Variants in IL23R observed in about 807,000 individuals in gnomAD.
IL23R encodes the protein interleukin-23 receptor.
In IL23R, 34 loss-of-function variants were observed where a neutral mutation model predicts 56.9. The ratio of observed to expected loss-of-function variants is 0.60; its 90% CI spans 0.45 to 0.80. The LOEUF (loss-of-function observed/expected upper bound fraction) is 0.80, where lower values mean the gene tolerates loss of function less well. Among genes scored for constraint, IL23R ranks in the 30% least tolerant of loss-of-function variants. The pLI is 0.00. For missense variants in IL23R, 635 were observed against 730.0 expected, an observed-to-expected ratio of 0.87 and a Z score of 1.50; for synonymous variants, 230 against 249.2, an observed-to-expected ratio of 0.92 and a Z score of 0.73.
chr1:67,232,368 T>A (rs139508843), intron 7 of IL23R, among the ~76,000 whole-genome samples: 431 of 152,086 alleles, frequency 2.8e-3, no homozygotes, highest in Middle Eastern at 6.8e-3. Context: ...CCATGGCGAG[T>A]CCTCAGTGGA....
chr1:67,224,944 T>C (rs1392901226), intron 7 of IL23R, among the ~76,000 whole-genome samples: 1 of 152,212 alleles, frequency 6.6e-6, no homozygotes, highest in Non-Finnish European at 1.5e-5. Context: ...GTGTAATTAT[T>C]ATCCCAGTTG....
At chr1:67,245,750 G>A (rs1453655677) in intron 9 of IL23R, among the ~76,000 whole-genome samples, 1 of 152,158 alleles carries the variant, frequency 6.6e-6, no homozygotes, top group African/African-American at 2.4e-5. Context: ...TGTTTATCAG[G>A]GATATTGGCC....
intron 6 of IL23R, among the ~76,000 whole-genome samples, chr1:67,212,325 G>T (rs1309043353): frequency 2.0e-5 from 3 of 152,208 alleles, no homozygotes; most frequent in Non-Finnish European, 4.4e-5. Flanking sequence ...TGTTGTCTCT[G>T]CATGTCTGTA....
At chr1:67,257,166 G>A (rs1652995894) in intron 10 of IL23R, among the ~76,000 whole-genome samples, 1 of 152,182 alleles carries the variant, frequency 6.6e-6, no homozygotes, top group Non-Finnish European at 1.5e-5. Context: ...TGGAATTAGA[G>A]GCAAACCTTA....
chr1:67,154,543 G>T (rs909062594), intron 1 of IL23R, among the ~76,000 whole-genome samples: 2 of 151,656 alleles, frequency 1.3e-5, no homozygotes, highest in African/African-American at 2.4e-5. Context: ...AATTTTTGTT[G>T]GTTTAAAGTC....
intron 10 of IL23R, among the ~76,000 whole-genome samples, chr1:67,258,232 G>A (rs1216555876): frequency 6.6e-6 from 1 of 152,040 alleles, no homozygotes; most frequent in African/African-American, 2.4e-5. Context: ...CAAGAAATGT[G>A]CTTAAGAAGT....
At chr1:67,235,136 C>T (rs1041351583) in intron 7 of IL23R, among the ~76,000 whole-genome samples, 3 of 152,200 alleles carry the variant, frequency 2.0e-5, no homozygotes, top group African/African-American at 7.2e-5. Flanking sequence ...ACCTTGTTCC[C>T]TCAGAGTTTG....
intron 6 of IL23R, among the ~76,000 whole-genome samples, chr1:67,217,722 T>A (rs990196313): frequency 6.7e-6 from 1 of 148,944 alleles, no homozygotes; most frequent in Admixed American, 6.7e-5. Flanking sequence ...TTGAAAAATA[T>A]CATTCAGAGT....
intron 1 of IL23R, among the ~76,000 whole-genome samples, chr1:67,160,138 C>T (rs1422208289): frequency 6.6e-6 from 1 of 152,134 alleles, no homozygotes; most frequent in African/African-American, 2.4e-5. Flanking sequence ...CAGGCATGAG[C>T]CACCGCGCCC....
chr1:67,219,553 A>G, intron 6 of IL23R, 21 bp from the exon 7 acceptor site: 6 of 1,609,506 alleles, frequency 3.7e-6, no homozygotes, highest in Non-Finnish European at 4.2e-6. Context: ...ACATTTTATT[A>G]TTGTTACCCA....
At position 67,240,267 on chromosome 1, in the gene IL23R, A is replaced by G. The variant is rs1194132729; in HGVS notation, c.1134A>G (p.Arg378=). The change falls in exon 9 of 11, where the codon AGA becomes AGG. Residue 378 remains arginine (R), a synonymous_variant. Coordinates refer to ENST00000347310, the MANE Select transcript of IL23R (RefSeq NM_144701.3). ...SILSLIGIFN[R]SFRTGIKRRI... is the part of the protein sequence containing the mutation. ...TTTCTTTGATTGGGATATTTAACAG[A>G]TCATTCCGAACTGGGTAGGTTTTTG... 2 of 1,610,766 alleles carry G rather than the reference A, an allele frequency of 1.2e-6. No homozygotes were observed. The highest frequency in any genetic ancestry group is 1.7e-5 in the Admixed American group (1 of 60,018).
At chr1:67,179,227 T>G (rs961653562) in intron 3 of IL23R, among the ~76,000 whole-genome samples, 1 of 152,146 alleles carries the variant, frequency 6.6e-6, no homozygotes, top group African/African-American at 2.4e-5. Context: ...GTAGAATTTG[T>G]CTGTGAATCC....
At chr1:67,234,092 T>G (rs981583128) in intron 7 of IL23R, among the ~76,000 whole-genome samples, 6 of 152,116 alleles carry the variant, frequency 3.9e-5, no homozygotes, top group Non-Finnish European at 5.9e-5. Flanking sequence ...TCCTTTTAAT[T>G]TCTCCTGTTG....
chr1:67,153,648 C>G lies in IL23R; in HGVS notation c.-633-14444C>G, dbSNP rs868137464. 2.6e-4 allele frequency among the ~76,000 whole-genome samples: 39 copies of G among 152,268 alleles called. No individual in the cohort carries two copies. In the Middle Eastern group the frequency reaches 0.031, roughly 120 times the overall value. ...TCCCAGAGATTCTGGTACATTGTCT[C>G]TCTGTTCTCATTGCGTTCAAAGAAC... On this transcript the variant is annotated intron_variant, in intron 1 of 10. Transcript: ENST00000637002.
intron 8 of IL23R, among the ~76,000 whole-genome samples, chr1:67,239,427 C>CTAATTTTTG (rs1435493193): frequency 1.3e-5 from 2 of 152,136 alleles, no homozygotes; most frequent in African/African-American, 2.4e-5. Flanking sequence ...CCACACCCGG[C>CTAATTTTTG]TAATTTTTGT....
intron 3 of IL23R, among the ~76,000 whole-genome samples, chr1:67,182,153 C>T (rs928003430): frequency 6.6e-6 from 1 of 152,194 alleles, no homozygotes; most frequent in Non-Finnish European, 1.5e-5. Flanking sequence ...CTACTCTCTT[C>T]AAAGCTGTCA....
At chr1:67,250,017 C>A (rs1161077020) in intron 9 of IL23R, among the ~76,000 whole-genome samples, 1 of 152,164 alleles carries the variant, frequency 6.6e-6, no homozygotes, top group Admixed American at 6.5e-5. Context: ...TTTTCATAAA[C>A]CTTCCACAAT....
intron 6 of IL23R, among the ~76,000 whole-genome samples, chr1:67,217,550 A>G (rs1438749742): frequency 6.6e-6 from 1 of 152,040 alleles, no homozygotes; most frequent in African/African-American, 2.4e-5. Flanking sequence ...TATGAAGCAG[A>G]GTGCATTTGA....
intron 7 of IL23R, among the ~76,000 whole-genome samples, chr1:67,228,150 TTTTC>T (rs1326421341): frequency 1.3e-5 from 1 of 76,144 alleles, no homozygotes; most frequent in Admixed American, 1.8e-4. Context: ...CTGTCTTTCT[TTTTC>T]CTTCCTTCCT....
Sources: allele counts gnomAD v4.1 joint callset (sites outside exome capture counted in the v4.1 genomes callset), GRCh38; gene constraint gnomAD v4.1.1; transcripts MANE v1.5; gene names NCBI Gene and HGNC (gene_info 2026-07-23, HGNC 2026-07-21).